The following AGAP1 variants were observed in gnomAD, a reference collection of about 807,000 sequenced individuals.
AGAP1 encodes the protein ArfGAP with GTPase domain, ankyrin repeat and PH domain 1.
AGAP1 carries 29 observed loss-of-function variants against 105.3 expected under a neutral mutation model. That is an observed-to-expected ratio of 0.28 (90% CI 0.21 to 0.38). The LOEUF (loss-of-function observed/expected upper bound fraction) is 0.38, where lower values mean the gene tolerates loss of function less well. Among genes scored for constraint, AGAP1 ranks in the 10% least tolerant of loss-of-function variants. The probability of loss-of-function intolerance (pLI) is 1.00; values close to 1 mark genes in which losing one functional copy is unlikely to be tolerated. For synonymous variants in AGAP1, 509 were observed against 485.9 expected, an observed-to-expected ratio of 1.05 and a Z score of -0.63; for missense variants, 998 against 1,165.1, an observed-to-expected ratio of 0.86 and a Z score of 2.09.
chr2:235,783,585 G>A (rs1365971954), intron 6 of AGAP1, among the ~76,000 whole-genome samples: 2 of 152,234 alleles, frequency 1.3e-5, no homozygotes, highest in East Asian at 3.9e-4. Context: ...TGTTTTTATG[G>A]ACGTACCCAC....
At chr2:235,634,680 T>C (rs1946933764) in intron 1 of AGAP1, among the ~76,000 whole-genome samples, 1 of 152,220 alleles carries the variant, frequency 6.6e-6, no homozygotes, top group Non-Finnish European at 1.5e-5. Context: ...GAGAGGCTTG[T>C]GTTCCACATT....
intron 1 of AGAP1, among the ~76,000 whole-genome samples, chr2:235,649,205 GT>G (rs1306355354): frequency 6.6e-6 from 1 of 152,174 alleles, no homozygotes; most frequent in African/African-American, 2.4e-5. Flanking sequence ...GGAGGATTTT[GT>G]GGGGCAGTGG....
chr2:235,930,651 G>A lies in AGAP1; in HGVS notation c.1325-114G>A. 9.3e-7 allele frequency: 1 copy of A among 1,080,410 alleles called. No individual in the cohort carries two copies. Among genetic ancestry groups the A allele is most frequent in the Non-Finnish European group, 1.3e-6 (1 of 759,936 alleles). 66.9% of individuals were successfully genotyped at this position (1,080,410 alleles called of 1,614,324 possible). A position where few individuals can be genotyped will look rare whatever the true frequency, so the allele number is the denominator to read the frequency against. ...TTGCCATGCAGGCAGGACAGGGGCTGCTCTCGGTGGTAAGGTGCACTATGT... is the reference window on the plus strand; with the variant it reads ...TTGCCATGCAGGCAGGACAGGGGCTACTCTCGGTGGTAAGGTGCACTATGT... On this transcript the variant is annotated intron_variant, in intron 11 of 17. Coordinates refer to ENST00000304032, the MANE Select transcript of AGAP1 (RefSeq NM_001037131.3). This position sits in a 1 kb window ranked among gnomAD's most constrained non-coding sequence, Gnocchi z 7.9.
At chr2:235,998,225 C>T (rs530991232) in intron 13 of AGAP1, among the ~76,000 whole-genome samples, 1 of 152,346 alleles carries the variant, frequency 6.6e-6, no homozygotes, top group South Asian at 2.1e-4. Context: ...CCTGATGCTG[C>T]TCAGAGCCTC....
chr2:236,059,161 T>TA (rs3030746), intron 16 of AGAP1, among the ~76,000 whole-genome samples: 2,709 of 143,786 alleles, frequency 0.019, 65 homozygotes, highest in African/African-American at 0.059. Flanking sequence ...ACCGTATCTT[T>TA]AAAAAAAAAA....
In AGAP1 at chr2:235,887,925, T is replaced by G. The variant is rs896500734; in HGVS notation, c.1155+4476T>G. On this transcript the variant is annotated intron_variant, in intron 10 of 17. Coordinates refer to ENST00000304032, the MANE Select transcript of AGAP1 (RefSeq NM_001037131.3). The surrounding 1 kb of genome is among the most constrained non-coding windows in gnomAD (Gnocchi z 4.1). Reference sequence around the variant, plus strand: ...TAAACGTGGAAGATTCAGACAGAGATGAGATAGGGCCGTGCGGCAGCCCAT... The same window carrying G: ...TAAACGTGGAAGATTCAGACAGAGAGGAGATAGGGCCGTGCGGCAGCCCAT... 2.6e-5 allele frequency among the ~76,000 whole-genome samples: 4 copies of G among 152,200 alleles called. No individual in the cohort carries two copies. The highest frequency in any genetic ancestry group is 5.9e-5 in the Non-Finnish European group (4 of 68,018).
At position 235,845,473 on chromosome 2, in the gene AGAP1, C is replaced by T. The variant is rs77285813; in HGVS notation, c.1051-37872C>T. On this transcript the variant is annotated intron_variant, in intron 9 of 17. Coordinates refer to ENST00000304032, the MANE Select transcript of AGAP1 (RefSeq NM_001037131.3). This position sits in a 1 kb window ranked among gnomAD's most constrained non-coding sequence, Gnocchi z 4.8. ...AATGAGCATTGTTCAGCCAGCTGGG[C>T]GAACCCTGGGCTTCCTGAGGACACC... Among the ~76,000 whole-genome samples, 3 of 146,988 alleles carry T rather than the reference C, an allele frequency of 2.0e-5. No homozygotes were observed. Among genetic ancestry groups the T allele is most frequent in the Non-Finnish European group, 3.0e-5 (2 of 65,704 alleles).
rs1325306672 is a variant in AGAP1 at position 236,012,832 on chromosome 2, G to C, written c.1646-23729G>C. On this transcript the variant is annotated intron_variant, in intron 13 of 17. Transcript: ENST00000304032. This position sits in a 1 kb window ranked among gnomAD's most constrained non-coding sequence, Gnocchi z 4.9. ...CTCTCACTGTCGCCCAGGCTGGAGT[G>C]CAGTGGTACGATCTCAGCTCACTGC... Among the ~76,000 whole-genome samples, 1 of 152,082 alleles carries C rather than the reference G, an allele frequency of 6.6e-6. No individual in the cohort carries two copies. Among genetic ancestry groups the C allele is most frequent in the Non-Finnish European group, 1.5e-5 (1 of 68,028 alleles).
At chr2:235,696,683 C>G (rs1000883323) in intron 1 of AGAP1, among the ~76,000 whole-genome samples, 1 of 152,176 alleles carries the variant, frequency 6.6e-6, no homozygotes, top group Non-Finnish European at 1.5e-5. Flanking sequence ...TGGCACCATG[C>G]TATCGCTGCC....
intron 13 of AGAP1, among the ~76,000 whole-genome samples, chr2:236,004,884 C>G (rs1416684456): frequency 6.6e-6 from 1 of 152,158 alleles, no homozygotes; most frequent in Non-Finnish European, 1.5e-5. Context: ...TGTATGTACT[C>G]CAAGCTATCA....
chr2:236,008,814 A>G (rs2056411627), intron 13 of AGAP1, among the ~76,000 whole-genome samples: 1 of 152,244 alleles, frequency 6.6e-6, no homozygotes. Flanking sequence ...AGAAAGAACC[A>G]TTGTGAGTTG....
At chr2:235,825,189 C>T (rs1362763655) in intron 9 of AGAP1, among the ~76,000 whole-genome samples, 1 of 152,206 alleles carries the variant, frequency 6.6e-6, no homozygotes, top group Non-Finnish European at 1.5e-5. Flanking sequence ...ATGCAGGCTC[C>T]CGTCTCCAGA....
In AGAP1 at chr2:235,908,627, G is replaced by A. The variant is rs2051420481; in HGVS notation, c.1156-111G>A. The A allele has an allele frequency of 1.1e-6, 1 of 936,786 alleles. No individual in the cohort carries two copies. The highest frequency in any genetic ancestry group is 2.0e-5 in the South Asian group (1 of 49,732). 58.0% of individuals were successfully genotyped at this position (936,786 alleles called of 1,614,324 possible). A position where few individuals can be genotyped will look rare whatever the true frequency, so the allele number is the denominator to read the frequency against. On this transcript the variant is annotated intron_variant, in intron 10 of 17. Transcript: ENST00000304032. This position sits in a 1 kb window ranked among gnomAD's most constrained non-coding sequence, Gnocchi z 4.4. ...TGATTTTTAAAGTACTTTCCACAGT[G>A]GAAGGGTCATAGGGTTTTAACTCAT...
rs142421747 is a variant in AGAP1, at chr2:235,792,235, C to G, written c.674-5524C>G. Reference sequence around the variant, plus strand: ...GGTGGCTCTTCAGTGTCACTGCAATCTATACGCTTTCTCTGTGTCTTCCTT... The same window carrying G: ...GGTGGCTCTTCAGTGTCACTGCAATGTATACGCTTTCTCTGTGTCTTCCTT... On this transcript the variant is annotated intron_variant, in intron 6 of 17. Coordinates refer to ENST00000304032, the MANE Select transcript of AGAP1 (RefSeq NM_001037131.3). The surrounding 1 kb of genome is among the most constrained non-coding windows in gnomAD (Gnocchi z 5.3). Among the ~76,000 whole-genome samples the G allele has an allele frequency of 6.6e-6, 1 of 152,162 alleles. No homozygotes were observed. Among genetic ancestry groups the G allele is most frequent in the Non-Finnish European group, 1.5e-5 (1 of 68,034 alleles).
Position 235,743,310 on chromosome 2 carries a change from C to T in AGAP1, c.397-1388C>T, listed in dbSNP as rs1003660495. On this transcript the variant is annotated intron_variant, in intron 4 of 17. Transcript: ENST00000304032. ...AGATGAGAGCCACAGTTCACGTTTC[C>T]TCCGGGTGGATGCTCAGATGGGCTT... 7.2e-4 allele frequency among the ~76,000 whole-genome samples: 109 copies of T among 152,196 alleles called. 1 individual carries two copies. Among genetic ancestry groups the T allele is most frequent in the African/African-American group, 7.0e-4 (29 of 41,438 alleles).
chr2:236,026,448 G>A (rs1288237419), intron 13 of AGAP1, among the ~76,000 whole-genome samples: 1 of 152,202 alleles, frequency 6.6e-6, no homozygotes, highest in South Asian at 2.1e-4. Context: ...AGTATGACAC[G>A]CCGGGCACGG....
intron 1 of AGAP1, among the ~76,000 whole-genome samples, chr2:235,507,762 A>C (rs763660805): frequency 6.6e-6 from 1 of 151,886 alleles, no homozygotes; most frequent in Non-Finnish European, 1.5e-5. Flanking sequence ...CAGGATTCGA[A>C]CTCGGGACCC....
At chr2:235,630,900 A>G (rs1311209822) in intron 1 of AGAP1, among the ~76,000 whole-genome samples, 1 of 152,206 alleles carries the variant, frequency 6.6e-6, no homozygotes, top group African/African-American at 2.4e-5. Flanking sequence ...GGGTCTGCAT[A>G]ATGTATGAAC....
At chr2:236,098,880 C>T (rs1026894768) in intron 16 of AGAP1, among the ~76,000 whole-genome samples, 2 of 151,408 alleles carry the variant, frequency 1.3e-5, no homozygotes, top group Non-Finnish European at 2.9e-5. Flanking sequence ...GTCTTAGCCT[C>T]CCCAAGTGCT....
Sources: gnomAD v4.1 joint callset for allele counts (sites outside exome capture counted in the v4.1 genomes callset) on GRCh38, gnomAD v4.1.1 for gene constraint, Gnocchi (gnomAD v3.1) non-coding constraint, MANE v1.5 for transcripts, NCBI Gene and HGNC (gene_info 2026-07-23, HGNC 2026-07-21) for gene names.